Variants in PCDH9 observed in about 807,000 individuals in gnomAD.
PCDH9 encodes the protein protocadherin 9.
Under a neutral mutation model 70.6 loss-of-function variants are expected in PCDH9, and 24 were observed. That is an observed-to-expected ratio of 0.34 (90% CI 0.25 to 0.48). The LOEUF is 0.48. Ranked by LOEUF, PCDH9 falls within the 20% of genes least tolerant of loss-of-function variation. The pLI is 0.99. For synonymous variants in PCDH9, 562 were observed against 558.5 expected, an observed-to-expected ratio of 1.01 and a Z score of -0.09; for missense variants, 1,281 against 1,503.6, an observed-to-expected ratio of 0.85 and a Z score of 2.45.
chr13:67,037,439 A>G (rs1307954821), intron 2 of PCDH9, among the ~76,000 whole-genome samples: 1 of 152,176 alleles, frequency 6.6e-6, no homozygotes, highest in East Asian at 1.9e-4. Context: ...TTTCTACTCC[A>G]AAAGTGTTAT....
intron 3 of PCDH9, among the ~76,000 whole-genome samples, chr13:66,843,036 A>T (rs1357181658): frequency 6.6e-6 from 1 of 152,210 alleles, no homozygotes; most frequent in Non-Finnish European, 1.5e-5. Context: ...ATCTATGTTA[A>T]GCTGACTGAA....
At chr13:66,401,318 A>C (rs1957182231) in intron 4 of PCDH9, among the ~76,000 whole-genome samples, 1 of 151,078 alleles carries the variant, frequency 6.6e-6, no homozygotes, top group Non-Finnish European at 1.5e-5. Flanking sequence ...CGTGATAGTG[A>C]GTGAGTTATC....
chr13:67,092,732 G>A (rs1375966480), intron 2 of PCDH9, among the ~76,000 whole-genome samples: 2 of 152,020 alleles, frequency 1.3e-5, no homozygotes, highest in Admixed American at 6.6e-5. Flanking sequence ...CCCATAAAAC[G>A]CACAATGAGA....
intron 3 of PCDH9, among the ~76,000 whole-genome samples, chr13:66,850,413 G>C (rs1378017977): frequency 6.6e-6 from 1 of 152,046 alleles, no homozygotes; most frequent in African/African-American, 2.4e-5. Context: ...CATCTACTCA[G>C]GAGGCTGAGG....
chr13:66,768,407 A>C (rs929377560), intron 3 of PCDH9, among the ~76,000 whole-genome samples: 3 of 152,048 alleles, frequency 2.0e-5, no homozygotes, highest in African/African-American at 7.2e-5. Context: ...AAACTACTAT[A>C]ATGTCAATAA....
chr13:67,092,466 T>G (rs1196352998), intron 2 of PCDH9, among the ~76,000 whole-genome samples: 2 of 152,150 alleles, frequency 1.3e-5, no homozygotes, highest in African/African-American at 2.4e-5. Flanking sequence ...CCTGGATATA[T>G]GCATAGCTAT....
At chr13:67,214,935 G>GATATATATAT (rs66460017) in intron 2 of PCDH9, 2,285 of 88,998 alleles carry the variant, frequency 0.026, 508 homozygotes, top group Non-Finnish European at 0.029. Flanking sequence ...TTGCGAGCCA[G>GATATATATAT]ATATATATAT....
At chr13:66,631,046 T>C (rs2077564576) in intron 4 of PCDH9, among the ~76,000 whole-genome samples, 164 bp downstream of exon 4, 1 of 152,110 alleles carries the variant, frequency 6.6e-6, no homozygotes, top group African/African-American at 2.4e-5. Context: ...CAAAATCATA[T>C]CAAACATATT....
intron 2 of PCDH9, among the ~76,000 whole-genome samples, chr13:67,061,413 ATATATATG>A (rs1796260743): frequency 1.3e-5 from 2 of 151,932 alleles, no homozygotes; most frequent in African/African-American, 4.8e-5. Context: ...CTCTCTCTAT[ATATATATG>A]TATATATGTA....
chr13:66,779,845 C>CTA (rs1395028159), intron 3 of PCDH9, among the ~76,000 whole-genome samples: 459 of 42,508 alleles, frequency 0.011, 1 homozygote, highest in African/African-American at 0.02. Context: ...CTCTCTCTCT[C>CTA]TCTCTATATA....
chr13:66,779,849 C>CTATATATATATATATA (rs1185055569), intron 3 of PCDH9, among the ~76,000 whole-genome samples: 12 of 78,902 alleles, frequency 1.5e-4, no homozygotes, highest in African/African-American at 3.6e-4. Flanking sequence ...CTCTCTCTCT[C>CTATATATATATATATA]TATATATATA....
At chr13:66,576,593 G>C (rs1165441844) in intron 4 of PCDH9, among the ~76,000 whole-genome samples, 1 of 152,034 alleles carries the variant, frequency 6.6e-6, no homozygotes, top group East Asian at 1.9e-4. Context: ...AAACTAATCT[G>C]TTTTGTTTTG....
intron 3 of PCDH9, among the ~76,000 whole-genome samples, chr13:66,880,941 G>A (rs2081911687): frequency 6.6e-6 from 1 of 152,194 alleles, no homozygotes; most frequent in African/African-American, 2.4e-5. Context: ...CAATCCTGTT[G>A]TATGACCTTG....
chr13:66,706,197 C>T (rs2078709261), intron 3 of PCDH9, among the ~76,000 whole-genome samples: 2 of 152,152 alleles, frequency 1.3e-5, no homozygotes, highest in Non-Finnish European at 2.9e-5. Context: ...TAAAGCAAGG[C>T]CATAAAACTT....
intron 4 of PCDH9, among the ~76,000 whole-genome samples, chr13:66,619,308 T>G (rs1245892745): frequency 6.6e-6 from 1 of 152,128 alleles, no homozygotes; most frequent in Non-Finnish European, 1.5e-5. Flanking sequence ...AAAAACATGT[T>G]TTACTATTAA....
At chr13:66,431,488 G>C (rs957610876) in intron 4 of PCDH9, among the ~76,000 whole-genome samples, 1 of 151,990 alleles carries the variant, frequency 6.6e-6, no homozygotes, top group Non-Finnish European at 1.5e-5. Flanking sequence ...ACTGTTAACT[G>C]TTTATGGTGA....
chr13:66,432,549 G>A (rs972271241), intron 4 of PCDH9, among the ~76,000 whole-genome samples: 3 of 151,836 alleles, frequency 2.0e-5, no homozygotes, highest in African/African-American at 7.2e-5. Flanking sequence ...CATCATGAAA[G>A]GCATGTTGGA....
intron 3 of PCDH9, among the ~76,000 whole-genome samples, chr13:66,871,837 C>A (rs1434254343): frequency 6.6e-6 from 1 of 152,072 alleles, no homozygotes; most frequent in Admixed American, 6.6e-5. Context: ...CCACCCCCCC[C>A]TCAACATTTC....
rs1369418582 is a variant in PCDH9, at chr13:66,444,107, GC to G, written c.3341-139080del. ...ATCTGATTTACAGAGAGCCAGTTGT[GC>G]CCCACGGAGACTAAGCCATTCTTAC... On this transcript the variant is annotated intron_variant, in intron 4 of 4. Transcript: ENST00000377865. Among the ~76,000 whole-genome samples, 6 of 152,178 alleles carry G rather than the reference GC, an allele frequency of 3.9e-5. No homozygotes were observed. The East Asian group carries it at 1.2e-3, about 29-fold the overall frequency.
Sources: allele counts gnomAD v4.1 joint callset (sites outside exome capture counted in the v4.1 genomes callset), GRCh38; gene constraint gnomAD v4.1.1; transcripts MANE v1.5; gene names NCBI Gene and HGNC (gene_info 2026-07-23, HGNC 2026-07-21).